Variants in NAV3 observed in about 807,000 individuals in gnomAD.
The protein encoded by NAV3 is neuron navigator 3.
Under a neutral mutation model 244.7 loss-of-function variants are expected in NAV3, and 87 were observed. That is an observed-to-expected ratio of 0.36 (90% CI 0.30 to 0.42). NAV3 has a LOEUF of 0.42. Ranked by LOEUF, NAV3 falls within the 20% of genes least tolerant of loss-of-function variation. The pLI is 1.00. For missense variants in NAV3, 2,663 were observed against 2,893.3 expected (o/e 0.92, Z 1.83); for synonymous variants, 1,126 against 1,042.2 (o/e 1.08, Z -1.55).
At chr12:77,849,017 C>A (rs2136229113) in intron 1 of NAV3, among the ~76,000 whole-genome samples, 1 of 152,190 alleles carries the variant, frequency 6.6e-6, no homozygotes, top group Admixed American at 6.5e-5. Flanking sequence ...GTGATGTTTT[C>A]TTTTATTTTG....
intron 17 of NAV3, 28 bp from the exon 18 acceptor site, chr12:78,128,678 T>A (rs774567260): frequency 8.7e-6 from 14 of 1,605,864 alleles, no homozygotes; most frequent in Admixed American, 6.8e-5. Flanking sequence ...TAGATGTGCT[T>A]AAGTGTCATA....
At chr12:77,627,029 A>G (rs1341078987) in intron 2 of NAV3, among the ~76,000 whole-genome samples, 3 of 152,282 alleles carry the variant, frequency 2.0e-5, no homozygotes, top group Admixed American at 6.5e-5. Context: ...AGTAGCCCTC[A>G]CCTATCAGTA....
intron 8 of NAV3, among the ~76,000 whole-genome samples, chr12:78,016,534 C>G (rs1229800512): frequency 6.6e-6 from 1 of 152,162 alleles, no homozygotes; most frequent in Non-Finnish European, 1.5e-5. Flanking sequence ...CCAACAGTTT[C>G]CTGGCCTTGG....
chr12:77,863,128 A>G (rs1222104681), intron 1 of NAV3, among the ~76,000 whole-genome samples: 1 of 151,914 alleles, frequency 6.6e-6, no homozygotes, highest in East Asian at 1.9e-4. Context: ...AGACCAATCC[A>G]ACAAGTTTAT....
intron 12 of NAV3, among the ~76,000 whole-genome samples, chr12:78,106,477 T>A (rs970626696): frequency 2.6e-5 from 4 of 152,170 alleles, no homozygotes; most frequent in Admixed American, 6.5e-5. Context: ...TGTTAAAGTA[T>A]CAGTATTTCC....
chr12:78,037,120 C>G (rs903793824), intron 9 of NAV3: 2 of 703,012 alleles, frequency 2.8e-6, no homozygotes, highest in Non-Finnish European at 2.6e-6. Context: ...AGCAGCTCAG[C>G]CTGGAACCTC....
chr12:77,843,019 C>CT (rs775097825), intron 1 of NAV3, among the ~76,000 whole-genome samples: 196 of 151,798 alleles, frequency 1.3e-3, no homozygotes, highest in African/African-American at 4.0e-3. Context: ...CTTGCTGTAC[C>CT]TTTTTTTTGG....
rs1395945283 is a variant in NAV3, at chr12:77,778,493, T to C, written c.73-161826T>C. 2.6e-5 allele frequency among the ~76,000 whole-genome samples: 4 copies of C among 151,148 alleles called. No individual in the cohort carries two copies. The South Asian group carries it at 8.4e-4, about 32-fold the overall frequency. ...CAGGCATGGTGGCGGGTGCCTGTATTCCCAGCTACTCGGGAGGCTGAGGCA... is the reference window on the plus strand; with the variant it reads ...CAGGCATGGTGGCGGGTGCCTGTATCCCCAGCTACTCGGGAGGCTGAGGCA... On this transcript the variant is annotated intron_variant, in intron 2 of 8. Transcript: ENST00000550042.
At chr12:78,037,587 G>A (rs192014723) in intron 9 of NAV3, among the ~76,000 whole-genome samples, 15 of 151,936 alleles carry the variant, frequency 9.9e-5, no homozygotes, top group African/African-American at 3.6e-4. Flanking sequence ...AGCACCACTG[G>A]TAAGGTTCAT....
At chr12:77,977,678 A>T (rs1447370824) in intron 5 of NAV3, among the ~76,000 whole-genome samples, 1 of 124,412 alleles carries the variant, frequency 8.0e-6, no homozygotes, top group Non-Finnish European at 1.8e-5. Flanking sequence ...TTTAGATAGG[A>T]GATATATATA....
intron 28 of NAV3, 100 bp from the exon 29 acceptor site, chr12:78,179,429 C>A: frequency 1.4e-6 from 2 of 1,406,518 alleles, no homozygotes; most frequent in Non-Finnish European, 2.0e-6. Flanking sequence ...CATATCTGTA[C>A]CTGCTGGAGA....
At chr12:77,877,318 T>C (rs1408008019) in intron 1 of NAV3, among the ~76,000 whole-genome samples, 1 of 152,104 alleles carries the variant, frequency 6.6e-6, no homozygotes, top group Non-Finnish European at 1.5e-5. Context: ...ATTAATAATT[T>C]CAATGGGCTT....
At chr12:77,740,222 T>A (rs1592636245) in intron 2 of NAV3, among the ~76,000 whole-genome samples, 1 of 152,204 alleles carries the variant, frequency 6.6e-6, no homozygotes, top group Non-Finnish European at 1.5e-5. Flanking sequence ...CTATTTCTTA[T>A]GCATACCAAC....
In NAV3 at chr12:77,825,433, G is replaced by A. The variant is rs76298824; in HGVS notation, c.73-114886G>A. On this transcript the variant is annotated intron_variant, in intron 2 of 8. Transcript: ENST00000550042. Reference sequence around the variant, plus strand: ...AACAGTAGCACAAGAAAGTGAACAGGAATGTAAAATTAAATACTGTGAGGT... The same window carrying A: ...AACAGTAGCACAAGAAAGTGAACAGAAATGTAAAATTAAATACTGTGAGGT... 2.6e-4 allele frequency among the ~76,000 whole-genome samples: 39 copies of A among 152,232 alleles called. No individual in the cohort carries two copies. The East Asian group carries it at 7.3e-3, about 29-fold the overall frequency.
chr12:78,080,792 CT>C (rs1953306487), intron 12 of NAV3, among the ~76,000 whole-genome samples: 1 of 152,220 alleles, frequency 6.6e-6, no homozygotes, highest in African/African-American at 2.4e-5. Flanking sequence ...TATGTGTAGC[CT>C]TCCATGCAGA....
intron 18 of NAV3, among the ~76,000 whole-genome samples, chr12:78,131,760 G>T (rs1197662357): frequency 6.6e-6 from 1 of 152,126 alleles, no homozygotes; most frequent in Non-Finnish European, 1.5e-5. Flanking sequence ...TAATACCTAG[G>T]TTATATTGTA....
chr12:77,632,006 G>C (rs1871927946), intron 2 of NAV3, among the ~76,000 whole-genome samples: 1 of 152,194 alleles, frequency 6.6e-6, no homozygotes, highest in Non-Finnish European at 1.5e-5. Context: ...CGTGAACAGA[G>C]TTATGGGCAG....
In NAV3 at chr12:77,831,330, T is replaced by C. The variant is rs12227066; in HGVS notation, c.-132T>C. 0.33 allele frequency: 311,312 copies of C among 945,484 alleles called. 54,070 individuals carry two copies. The highest frequency in any genetic ancestry group is 0.5 in the East Asian group (17,726 of 35,212). 58.6% of individuals were successfully genotyped at this position (945,484 alleles called of 1,614,324 possible). A position where few individuals can be genotyped will look rare whatever the true frequency, so the allele number is the denominator to read the frequency against. On this transcript the variant is annotated 5_prime_UTR_variant, in exon 1 of 40. Transcript: ENST00000397909. ...TGCCTCTTCCTGAAAATTATATTAT[T>C]AGCTTTTTAAAAATCAGGATGACTG...
chr12:77,596,356 A>T (rs73425503), intron 2 of NAV3, among the ~76,000 whole-genome samples: 6,080 of 152,292 alleles, frequency 0.04, 402 homozygotes, highest in African/African-American at 0.14. Flanking sequence ...ATCAAAGTGT[A>T]GCCTTTTATC....
Sources: allele counts gnomAD v4.1 joint callset (sites outside exome capture counted in the v4.1 genomes callset), GRCh38; gene constraint gnomAD v4.1.1; transcripts MANE v1.5; gene names NCBI Gene and HGNC (gene_info 2026-07-23, HGNC 2026-07-21).